The following PACS1 variants were observed in gnomAD, a reference collection of about 807,000 sequenced individuals.
The protein encoded by PACS1 is PACS-1.
A neutral mutation model predicts 115.0 loss-of-function variants in PACS1; 24 were observed. That is an observed-to-expected ratio of 0.21 (90% CI 0.15 to 0.29). PACS1 has a LOEUF of 0.29. Ranked by LOEUF, PACS1 falls within the 10% of genes least tolerant of loss-of-function variation. PACS1 has a pLI of 1.00. For missense variants in PACS1, 838 were observed against 1,251.2 expected (o/e 0.67, Z 4.98); for synonymous variants, 453 against 504.5 (o/e 0.90, Z 1.37).
intron 20 of PACS1, 79 bp from the exon 21 acceptor site, chr11:66,239,062 AG>A: frequency 6.3e-7 from 1 of 1,597,998 alleles, no homozygotes; most frequent in Non-Finnish European, 8.6e-7. Context: ...ACAGGATGGG[AG>A]GAACCCCGGC....
chr11:66,140,075 C>A (rs112278170), intron 1 of PACS1, among the ~76,000 whole-genome samples: 37 of 152,328 alleles, frequency 2.4e-4, no homozygotes, highest in African/African-American at 8.7e-4. Flanking sequence ...CAAAATCCAA[C>A]TCTGATGTGG....
chr11:66,227,923 C>T (rs144735652), intron 11 of PACS1, among the ~76,000 whole-genome samples: 41 of 152,258 alleles, frequency 2.7e-4, no homozygotes, highest in African/African-American at 9.9e-4. Flanking sequence ...TTGCTGTTTC[C>T]GTGGCCAGGC....
chr11:66,081,224 C>T (rs2134500546), intron 1 of PACS1, among the ~76,000 whole-genome samples: 1 of 151,754 alleles, frequency 6.6e-6, no homozygotes, highest in East Asian at 1.9e-4. Flanking sequence ...CAGATCAAGA[C>T]CCTGTCTCAA....
At chr11:66,089,745 G>A (rs530124017) in intron 1 of PACS1, among the ~76,000 whole-genome samples, 27 of 151,992 alleles carry the variant, frequency 1.8e-4, no homozygotes, top group Non-Finnish European at 3.2e-4. Context: ...GATGGCTCAC[G>A]TCTGTAATTC....
chr11:66,142,512 T>G (rs1463285436), intron 1 of PACS1, among the ~76,000 whole-genome samples: 1 of 150,974 alleles, frequency 6.6e-6, no homozygotes, highest in Non-Finnish European at 1.5e-5. Context: ...TTCGCCATGG[T>G]GCCCAGGCTG....
Position 66,236,294 on chromosome 11 carries a change from G to C in PACS1, c.2250+354G>C, listed in dbSNP as rs1234490993. 6.6e-6 allele frequency among the ~76,000 whole-genome samples: 1 copy of C among 152,146 alleles called. No homozygotes were observed. The highest frequency in any genetic ancestry group is 2.4e-5 in the African/African-American group (1 of 41,418). ...CTTTTCCAAATCACGAACTGTTCCT[G>C]GGTCCATCACTGATGTCTCCTGTTT... is the stretch of plus-strand genomic sequence containing the variant. On this transcript the variant is annotated intron_variant, in intron 19 of 23. Coordinates refer to ENST00000320580, the MANE Select transcript of PACS1 (RefSeq NM_018026.4). The surrounding 1 kb of genome is among the most constrained non-coding windows in gnomAD (Gnocchi z 4.2).
chr11:66,175,171 G>GA (rs67984094), intron 1 of PACS1, among the ~76,000 whole-genome samples: 41,583 of 149,718 alleles, frequency 0.28, 6,766 homozygotes, highest in African/African-American at 0.45. Context: ...GAAAAAAAAA[G>GA]AAAAAAAAAT....
At chr11:66,153,373 A>C (rs907609890) in intron 1 of PACS1, among the ~76,000 whole-genome samples, 1 of 152,212 alleles carries the variant, frequency 6.6e-6, no homozygotes, top group South Asian at 2.1e-4. Flanking sequence ...GGTTGGTCAC[A>C]GTGGCTCACA....
intron 1 of PACS1, among the ~76,000 whole-genome samples, chr11:66,104,136 A>C (rs1857981306): frequency 1.3e-5 from 2 of 152,210 alleles, no homozygotes; most frequent in Non-Finnish European, 2.9e-5. Context: ...TACAAAGAGA[A>C]GATTTTAATA....
intron 2 of PACS1, among the ~76,000 whole-genome samples, chr11:66,202,131 C>T: frequency 6.6e-6 from 1 of 152,068 alleles, no homozygotes; most frequent in Non-Finnish European, 1.5e-5. Context: ...ACTGGAGAAC[C>T]TAGAAGAAAT....
intron 1 of PACS1, among the ~76,000 whole-genome samples, chr11:66,111,687 C>A (rs1384716437): frequency 6.6e-6 from 1 of 152,132 alleles, no homozygotes; most frequent in Non-Finnish European, 1.5e-5. Context: ...CTCACTCACT[C>A]TGCTCAGGCT....
Position 66,219,081 on chromosome 11 carries a change from T to G in PACS1, c.979-665T>G, listed in dbSNP as rs147006814. Among the ~76,000 whole-genome samples the G allele has an allele frequency of 4.0e-3, 615 of 152,078 alleles. 4 individuals carry two copies. Among genetic ancestry groups the G allele is most frequent in the African/African-American group, 0.014 (562 of 41,456 alleles). On this transcript the variant is annotated intron_variant, in intron 7 of 23. Coordinates refer to ENST00000320580, the MANE Select transcript of PACS1 (RefSeq NM_018026.4). ...AGTCGGAGGGTAGCATGAGCAGGTT[T>G]GCACTCGGAAGGACCACTGTGGGCT...
intron 22 of PACS1, 32 bp downstream of exon 22, chr11:66,241,685 G>A: frequency 6.5e-7 from 1 of 1,536,728 alleles, no homozygotes; most frequent in Non-Finnish European, 9.0e-7. Context: ...GAAGACCATG[G>A]GCCACCAGGC....
At chr11:66,182,104 A>C (rs1036481133) in intron 1 of PACS1, among the ~76,000 whole-genome samples, 1 of 152,230 alleles carries the variant, frequency 6.6e-6, no homozygotes, top group Admixed American at 6.5e-5. Context: ...GGTTTTAATA[A>C]GCAAAAGTCC....
At chr11:66,182,624 G>A (rs771459574) in intron 1 of PACS1, among the ~76,000 whole-genome samples, 3 of 151,976 alleles carry the variant, frequency 2.0e-5, no homozygotes, top group Admixed American at 1.3e-4. Flanking sequence ...GCACATGGGC[G>A]CGTGTGCCAC....
At chr11:66,125,032 A>G (rs1858537822) in intron 1 of PACS1, among the ~76,000 whole-genome samples, 1 of 152,222 alleles carries the variant, frequency 6.6e-6, no homozygotes, top group South Asian at 2.1e-4. Context: ...CTGTCTCTTT[A>G]TTGATGAACA....
intron 1 of PACS1, among the ~76,000 whole-genome samples, chr11:66,148,022 G>A (rs545808289): frequency 4.0e-5 from 6 of 151,340 alleles, no homozygotes; most frequent in Admixed American, 2.0e-4. Context: ...TGAAATATAC[G>A]GCCATAATAA....
chr11:66,164,890 A>G (rs1377732724), intron 1 of PACS1, among the ~76,000 whole-genome samples: 1 of 152,076 alleles, frequency 6.6e-6, no homozygotes, highest in Non-Finnish European at 1.5e-5. Flanking sequence ...TCAGAACCAC[A>G]AGAGATCTTA....
At chr11:66,164,624 T>A (rs1432330089) in intron 1 of PACS1, among the ~76,000 whole-genome samples, 4 of 96,078 alleles carry the variant, frequency 4.2e-5, no homozygotes, top group African/African-American at 8.1e-5. Context: ...TATGTATTTT[T>A]TTTTTGTAAA....
Sources: gnomAD v4.1 joint callset for allele counts (sites outside exome capture counted in the v4.1 genomes callset) on GRCh38, gnomAD v4.1.1 for gene constraint, Gnocchi (gnomAD v3.1) non-coding constraint, MANE v1.5 for transcripts, NCBI Gene and HGNC (gene_info 2026-07-23, HGNC 2026-07-21) for gene names.